Variants in OR51B5 observed in about 807,000 individuals in gnomAD.
The protein encoded by OR51B5 is olfactory receptor 51B5.
For synonymous variants in OR51B5, 186 were observed against 144.8 expected, an observed-to-expected ratio of 1.28 and a Z score of -2.04; for missense variants, 456 against 374.6, an observed-to-expected ratio of 1.22 and a Z score of -1.79.
At chr11:5,479,386 G>A (rs996918121) in intron 1 of OR51B5, among the ~76,000 whole-genome samples, 70 of 151,074 alleles carry the variant, frequency 4.6e-4, no homozygotes, top group African/African-American at 1.4e-3. Context: ...AGGAACAACC[G>A]GTACCAGCTG....
chr11:5,502,214 G>A (rs1277597660), intron 1 of OR51B5, among the ~76,000 whole-genome samples: 5 of 151,822 alleles, frequency 3.3e-5, no homozygotes, highest in African/African-American at 1.2e-4. Flanking sequence ...CATTCTCTGT[G>A]TAAGTTGAGA....
intron 1 of OR51B5, among the ~76,000 whole-genome samples, chr11:5,357,761 T>G (rs924628722): frequency 1.3e-5 from 2 of 149,708 alleles, no homozygotes; most frequent in Non-Finnish European, 3.0e-5. Context: ...CCTCAGCAAA[T>G]GTAAAAGAAC....
chr11:5,370,858 C>T (rs184601516), intron 1 of OR51B5, among the ~76,000 whole-genome samples: 4 of 152,270 alleles, frequency 2.6e-5, no homozygotes, highest in Admixed American at 2.0e-4. Flanking sequence ...AATGCGGGTT[C>T]TGAGAGGAGG....
At chr11:5,403,637 TA>T (rs1489365482) in intron 1 of OR51B5, 5 of 396,032 alleles carry the variant, frequency 1.3e-5, no homozygotes, top group Non-Finnish European at 2.6e-5. Flanking sequence ...ATGCGATTGA[TA>T]TCACCTTAAA....
At chr11:5,363,684 T>G (rs1233800535) in intron 1 of OR51B5, among the ~76,000 whole-genome samples, 2 of 152,232 alleles carry the variant, frequency 1.3e-5, no homozygotes, top group Non-Finnish European at 2.9e-5. Flanking sequence ...ACTCTGCCAT[T>G]TGGCCATTTG....
At chr11:5,408,460 C>T (rs536730548) in intron 1 of OR51B5, among the ~76,000 whole-genome samples, 8 of 147,702 alleles carry the variant, frequency 5.4e-5, no homozygotes, top group Non-Finnish European at 1.0e-4. Flanking sequence ...GGAAAAAATA[C>T]AGCAGTCACA....
intron 1 of OR51B5, among the ~76,000 whole-genome samples, chr11:5,397,241 A>G (rs1299786156): frequency 6.6e-6 from 1 of 152,338 alleles, no homozygotes; most frequent in East Asian, 1.9e-4. Flanking sequence ...GCACAGCAAA[A>G]GAAACTACCA....
At chr11:5,352,303 G>A in intron 1 of OR51B5, 1 of 1,614,164 alleles carries the variant, frequency 6.2e-7, no homozygotes. Flanking sequence ...TGGAAAGCAT[G>A]TTCCTCATGT....
intron 1 of OR51B5, among the ~76,000 whole-genome samples, chr11:5,504,892 G>C (rs1846350080): frequency 6.6e-6 from 1 of 152,180 alleles, no homozygotes; most frequent in African/African-American, 2.4e-5. Flanking sequence ...TGAAGCTAGA[G>C]CAAGGATTCC....
chr11:5,350,174 CAAGAGAATG>C (rs1198072574), intron 1 of OR51B5, among the ~76,000 whole-genome samples: 1 of 152,088 alleles, frequency 6.6e-6, no homozygotes, highest in Non-Finnish European at 1.5e-5. Flanking sequence ...TACTTTGTGT[CAAGAGAATG>C]ACTGAGAAGA....
intron 1 of OR51B5, among the ~76,000 whole-genome samples, chr11:5,417,608 G>T (rs1850263307): frequency 6.6e-6 from 1 of 151,382 alleles, no homozygotes; most frequent in Admixed American, 6.6e-5. Flanking sequence ...CCAAAAGTGG[G>T]CGAAGGACAT....
chr11:5,434,430 G>A (rs1328986253), intron 1 of OR51B5, among the ~76,000 whole-genome samples: 1 of 152,150 alleles, frequency 6.6e-6, no homozygotes, highest in Admixed American at 6.5e-5. Flanking sequence ...TAACACTCCA[G>A]GGTGGTGCCC....
intron 1 of OR51B5, chr11:5,489,372 C>T (rs551323771): frequency 6.2e-7 from 1 of 1,613,984 alleles, no homozygotes; most frequent in Non-Finnish European, 8.5e-7. Flanking sequence ...TTTCCTATGG[C>T]TTTATCCTCC....
intron 1 of OR51B5, chr11:5,441,371 G>A: frequency 6.2e-7 from 1 of 1,613,956 alleles, no homozygotes; most frequent in African/African-American, 1.3e-5. Flanking sequence ...ACACCAGAGT[G>A]AGAATGCTGA....
chr11:5,368,460 T>A (rs201698602), intron 1 of OR51B5, among the ~76,000 whole-genome samples: 2 of 151,924 alleles, frequency 1.3e-5, no homozygotes, highest in Non-Finnish European at 2.9e-5. Flanking sequence ...ATAGAAATCA[T>A]TGCTATTATT....
intron 1 of OR51B5, among the ~76,000 whole-genome samples, chr11:5,385,088 C>T (rs1244287390): frequency 6.6e-6 from 1 of 152,200 alleles, no homozygotes; most frequent in Non-Finnish European, 1.5e-5. Flanking sequence ...TCATTGTATA[C>T]TGAAAATCTC....
intron 1 of OR51B5, chr11:5,351,888 CTTAAGATATACCT>C: frequency 6.2e-7 from 1 of 1,613,186 alleles, no homozygotes; most frequent in East Asian, 2.2e-5. Context: ...TCCGCAGCCC[CTTAAGATATACCT>C]CTATCCTGAC....
At chr11:5,342,446 C>A, downstream of OR51B5, 2 of 1,066,578 alleles carry the variant, frequency 1.9e-6, no homozygotes, top group Non-Finnish European at 1.3e-6. Context: ...AAAGAGATAC[C>A]TTAGGGAAAC....
downstream of OR51B5, chr11:5,340,428 C>G (rs1848876297): frequency 6.8e-6 from 1 of 147,742 alleles, no homozygotes; most frequent in African/African-American, 2.5e-5. Flanking sequence ...TTGTCATTAA[C>G]AATTCTAAGC....
Sources: allele counts gnomAD v4.1 joint callset (sites outside exome capture counted in the v4.1 genomes callset), GRCh38; gene constraint gnomAD v4.1.1; transcripts MANE v1.5; gene names NCBI Gene and HGNC (gene_info 2026-07-23, HGNC 2026-07-21).